Variants in PDZRN4 observed in about 807,000 individuals in gnomAD.
PDZRN4 encodes PDZ domain-containing RING finger protein 4.
Under a neutral mutation model 99.0 loss-of-function variants are expected in PDZRN4, and 70 were observed. The ratio of observed to expected loss-of-function variants is 0.71; its 90% confidence interval spans 0.58 to 0.86. The LOEUF is 0.86. PDZRN4 is among the 40% of genes least tolerant of loss of function. PDZRN4 has a pLI of 0.00. For synonymous variants in PDZRN4, 551 were observed against 501.6 expected (o/e 1.10, Z -1.32); for missense variants, 1,474 against 1,331.2 (o/e 1.11, Z -1.67).
chr12:41,265,981 T>C (rs1256183501), intron 3 of PDZRN4, among the ~76,000 whole-genome samples: 1 of 152,284 alleles, frequency 6.6e-6, no homozygotes, highest in East Asian at 1.9e-4. Flanking sequence ...ATAAAATGAT[T>C]TGCTTTCACC....
chr12:41,347,057 C>T (rs1469623676), intron 3 of PDZRN4, among the ~76,000 whole-genome samples: 1 of 152,126 alleles, frequency 6.6e-6, no homozygotes, highest in Non-Finnish European at 1.5e-5. Context: ...AGTTGATAGA[C>T]ATTTCCAGTT....
At chr12:41,228,857 A>T (rs543544175) in intron 3 of PDZRN4, among the ~76,000 whole-genome samples, 1 of 152,232 alleles carries the variant, frequency 6.6e-6, no homozygotes, top group Admixed American at 6.5e-5. Context: ...GTGTTTTTAT[A>T]TGTGAAATAA....
intron 3 of PDZRN4, among the ~76,000 whole-genome samples, chr12:41,344,757 G>T (rs1266095228): frequency 6.8e-6 from 1 of 147,640 alleles, no homozygotes; most frequent in Non-Finnish European, 1.5e-5. Context: ...TCATATATAT[G>T]ATATATGATA....
intron 3 of PDZRN4, among the ~76,000 whole-genome samples, chr12:41,490,494 G>C (rs1441375541): frequency 6.6e-6 from 1 of 152,096 alleles, no homozygotes; most frequent in Non-Finnish European, 1.5e-5. Flanking sequence ...CGATTACAAA[G>C]TATTAGAAAT....
intron 3 of PDZRN4, among the ~76,000 whole-genome samples, chr12:41,236,643 T>C (rs1951069072): frequency 6.6e-6 from 1 of 152,118 alleles, no homozygotes; most frequent in Non-Finnish European, 1.5e-5. Context: ...GGAGTGGGAC[T>C]CTGAAGAGGT....
intron 3 of PDZRN4, among the ~76,000 whole-genome samples, chr12:41,482,256 T>C (rs1192896000): frequency 1.3e-5 from 2 of 152,156 alleles, no homozygotes; most frequent in South Asian, 2.1e-4. Flanking sequence ...CTCTCTCTGA[T>C]ATCAAAATGA....
intron 3 of PDZRN4, among the ~76,000 whole-genome samples, chr12:41,261,355 T>C (rs1208893044): frequency 2.0e-5 from 3 of 152,222 alleles, no homozygotes; most frequent in Non-Finnish European, 4.4e-5. Context: ...ATGTGGATTA[T>C]TTGTTAGAAA....
In PDZRN4 at chr12:41,552,738, G is replaced by A. The variant is rs765739698; in HGVS notation, c.1286G>A (p.Gly429Asp). 9 of 1,613,032 alleles carry A rather than the reference G, an allele frequency of 5.6e-6. No individual in the cohort carries two copies. Among genetic ancestry groups the A allele is most frequent in the African/African-American group, 1.3e-5 (1 of 74,876 alleles). Reference sequence around the variant, plus strand: ...CGAACAGATGATGAAGAAGACACCGGCATTTATGTCAGCGAGGTAAGAAAC... The same window carrying A: ...CGAACAGATGATGAAGAAGACACCGACATTTATGTCAGCGAGGTAAGAAAC... ...CYRTDDEEDT[G>D]IYVSEVDPNS... Residue 429 changes from glycine to aspartate, a missense_variant, in exon 6 of 10, where the codon GGC (glycine) becomes GAC (aspartate). By Grantham distance (94) the Gly-to-Asp change is moderately conservative (BLOSUM62 -1). Transcript: ENST00000402685.
At chr12:41,255,613 T>A (rs1951200189) in intron 3 of PDZRN4, among the ~76,000 whole-genome samples, 1 of 152,158 alleles carries the variant, frequency 6.6e-6, no homozygotes, top group Non-Finnish European at 1.5e-5. Flanking sequence ...ACAAAGGCTT[T>A]TACATTAGTC....
chr12:41,547,791 T>C (rs1025725531), intron 5 of PDZRN4, among the ~76,000 whole-genome samples: 1 of 152,136 alleles, frequency 6.6e-6, no homozygotes, highest in Non-Finnish European at 1.5e-5. Context: ...GAGGCAAAAA[T>C]AATGTTTCCT....
intron 9 of PDZRN4, 84 bp downstream of exon 9, chr12:41,567,983 AAATCAAAGGGTTT>A (rs1939407660): frequency 7.7e-6 from 6 of 774,368 alleles, no homozygotes; most frequent in African/African-American, 1.8e-5. Context: ...GATGAAAACA[AAATCAAAGGGTTT>A]AATCCATCAT....
At chr12:41,377,875 T>C (rs1431930166) in intron 3 of PDZRN4, among the ~76,000 whole-genome samples, 1 of 152,108 alleles carries the variant, frequency 6.6e-6, no homozygotes, top group Non-Finnish European at 1.5e-5. Context: ...TCTCTCAGAG[T>C]TTTTTGGTGG....
At chr12:41,504,705 C>T (rs1355058305) in intron 3 of PDZRN4, among the ~76,000 whole-genome samples, 1 of 152,110 alleles carries the variant, frequency 6.6e-6, no homozygotes. Flanking sequence ...ATAGGTGTCT[C>T]ATGTCCACAT....
intron 3 of PDZRN4, among the ~76,000 whole-genome samples, chr12:41,233,684 A>G (rs1257578402): frequency 1.3e-5 from 2 of 152,088 alleles, no homozygotes; most frequent in Non-Finnish European, 2.9e-5. Flanking sequence ...AAACTATTGC[A>G]AGGACAAAAA....
chr12:41,406,439 T>G (rs1313978279), intron 3 of PDZRN4, among the ~76,000 whole-genome samples: 1 of 152,216 alleles, frequency 6.6e-6, no homozygotes, highest in Non-Finnish European at 1.5e-5. Context: ...GTCCTCAATT[T>G]GTTGTTCTGA....
chr12:41,295,478 A>G (rs1951486290), intron 3 of PDZRN4, among the ~76,000 whole-genome samples: 1 of 152,154 alleles, frequency 6.6e-6, no homozygotes, highest in African/African-American at 2.4e-5. Flanking sequence ...TAATTAGGAA[A>G]GTCAGAAAAA....
chr12:41,528,658 A>C (rs1322136603), intron 5 of PDZRN4, among the ~76,000 whole-genome samples: 1 of 152,212 alleles, frequency 6.6e-6, no homozygotes, highest in South Asian at 2.1e-4. Flanking sequence ...CCTGCCTCGC[A>C]TTGTTTGTGT....
intron 3 of PDZRN4, among the ~76,000 whole-genome samples, chr12:41,200,536 G>C (rs1188859279): frequency 6.6e-6 from 1 of 152,076 alleles, no homozygotes; most frequent in East Asian, 1.9e-4. Flanking sequence ...GGGAAACAGG[G>C]CCACCTCTTT....
chr12:41,552,555 TA>T (rs1939076394), intron 5 of PDZRN4, 100 bp from the exon 6 acceptor site: 10 of 801,294 alleles, frequency 1.2e-5, no homozygotes, highest in Admixed American at 9.3e-5. Context: ...CAATAATTAT[TA>T]ATACTTGCCA....
Sources: gnomAD v4.1 joint callset for allele counts (sites outside exome capture counted in the v4.1 genomes callset) on GRCh38, gnomAD v4.1.1 for gene constraint, MANE v1.5 for transcripts, NCBI Gene and HGNC (gene_info 2026-07-23, HGNC 2026-07-21) for gene names.